The following DSCAM variants were observed in gnomAD, a reference collection of about 807,000 sequenced individuals.
The protein encoded by DSCAM is DS cell adhesion molecule, also known as cell adhesion molecule DSCAM.
A neutral mutation model predicts 217.7 loss-of-function variants in DSCAM; 47 were observed. That is an observed-to-expected ratio of 0.22 (90% CI 0.17 to 0.28). The LOEUF (loss-of-function observed/expected upper bound fraction) is 0.28. Among genes scored for constraint, DSCAM ranks in the 10% least tolerant of loss-of-function variants. The pLI, the probability that DSCAM is intolerant of heterozygous loss-of-function variation, is 1.00. For synonymous variants in DSCAM, 1,056 were observed against 1,015.3 expected, an observed-to-expected ratio of 1.04 and a Z score of -0.76; for missense variants, 2,080 against 2,618.3, an observed-to-expected ratio of 0.79 and a Z score of 4.49.
At chr21:40,157,474 C>G (rs2090491336) in intron 16 of DSCAM, among the ~76,000 whole-genome samples, 1 of 152,202 alleles carries the variant, frequency 6.6e-6, no homozygotes, top group African/African-American at 2.4e-5. Flanking sequence ...GGCCTGGGCT[C>G]TGCCCAGTGT....
intron 2 of DSCAM, among the ~76,000 whole-genome samples, chr21:40,693,419 A>T (rs2090561242): frequency 1.3e-5 from 2 of 152,142 alleles, no homozygotes; most frequent in African/African-American, 4.8e-5. Flanking sequence ...GTGAAGAAAA[A>T]AAAATACACT....
intron 1 of DSCAM, among the ~76,000 whole-genome samples, chr21:40,786,431 C>T (rs971185832): frequency 2.6e-5 from 4 of 152,130 alleles, no homozygotes; most frequent in African/African-American, 9.7e-5. Context: ...ATGAGGTCCA[C>T]GAACCAGCAG....
chr21:40,294,208 A>G (rs912685938), intron 10 of DSCAM, among the ~76,000 whole-genome samples: 1 of 152,234 alleles, frequency 6.6e-6, no homozygotes, highest in Non-Finnish European at 1.5e-5. Context: ...CAAGACAGAC[A>G]AAGTATTATT....
rs117094542 is a variant in DSCAM, at chr21:40,432,693, C to T, written c.509-63448G>A. On this transcript the variant is annotated intron_variant, in intron 3 of 32. Transcript: ENST00000400454. ...TTCATCAACGAAGCCAGAAGATGAG[C>T]TATGAATAGATATAGTAAAGGAAAA... Among the ~76,000 whole-genome samples the T allele has an allele frequency of 5.0e-4, 76 of 152,214 alleles. 1 individual carries two copies. The Middle Eastern group carries it at 0.014, about 27-fold the overall frequency.
chr21:40,782,007 A>AAAAG (rs2091550676), intron 1 of DSCAM, among the ~76,000 whole-genome samples: 2 of 149,784 alleles, frequency 1.3e-5, no homozygotes, highest in African/African-American at 4.9e-5. Context: ...AAAAAAAAAA[A>AAAAG]AAAGAAAAAA....
At chr21:40,584,537 G>A (rs1201983333) in intron 3 of DSCAM, among the ~76,000 whole-genome samples, 1 of 152,174 alleles carries the variant, frequency 6.6e-6, no homozygotes, top group Non-Finnish European at 1.5e-5. Context: ...GATGTGCGGA[G>A]AGCTGCAGTC....
chr21:40,462,130 G>A (rs776284574), intron 3 of DSCAM, among the ~76,000 whole-genome samples: 7 of 152,136 alleles, frequency 4.6e-5, no homozygotes, highest in Non-Finnish European at 7.3e-5. Flanking sequence ...TTTAACCCAC[G>A]TCTTTCCTCT....
At chr21:40,574,551 G>T (rs2076833610) in intron 3 of DSCAM, among the ~76,000 whole-genome samples, 2 of 152,060 alleles carry the variant, frequency 1.3e-5, no homozygotes, top group South Asian at 2.1e-4. Flanking sequence ...TTCCCCTTAG[G>T]GTTAGGAACA....
intron 3 of DSCAM, among the ~76,000 whole-genome samples, chr21:40,564,477 C>T (rs1406967454): frequency 6.6e-6 from 1 of 152,124 alleles, no homozygotes; most frequent in Non-Finnish European, 1.5e-5. Context: ...CTCCCACCAC[C>T]CTCCTCCTTC....
At chr21:40,768,094 G>A (rs571139233) in intron 1 of DSCAM, among the ~76,000 whole-genome samples, 34 of 152,298 alleles carry the variant, frequency 2.2e-4, no homozygotes, top group Admixed American at 7.2e-4. Flanking sequence ...TGTTAAAGTC[G>A]ATTTTAGGGA....
At chr21:40,200,556 C>T (rs760030587) in intron 11 of DSCAM, among the ~76,000 whole-genome samples, 6 of 152,158 alleles carry the variant, frequency 3.9e-5, no homozygotes, top group Admixed American at 2.0e-4. Flanking sequence ...CATCTGTCAA[C>T]GGACACTTGT....
At chr21:40,554,738 T>C (rs1007040427) in intron 3 of DSCAM, among the ~76,000 whole-genome samples, 5 of 152,338 alleles carry the variant, frequency 3.3e-5, no homozygotes, top group Middle Eastern at 6.8e-3. Context: ...ACAAACTATA[T>C]GTAAAATATA....
chr21:40,659,303 T>A (rs146441463), intron 3 of DSCAM, among the ~76,000 whole-genome samples: 5 of 152,332 alleles, frequency 3.3e-5, no homozygotes, highest in African/African-American at 1.2e-4. Context: ...AAATGCAGAA[T>A]CCCACACTTT....
At chr21:40,834,432 TAA>T (rs1291780871) in intron 1 of DSCAM, among the ~76,000 whole-genome samples, 1 of 57,924 alleles carries the variant, frequency 1.7e-5, no homozygotes, top group Non-Finnish European at 3.8e-5. Context: ...AATAAAATAA[TAA>T]TAATAATAAT....
intron 3 of DSCAM, among the ~76,000 whole-genome samples, chr21:40,511,757 C>T (rs1249618666): frequency 2.0e-5 from 3 of 151,480 alleles, no homozygotes; most frequent in Admixed American, 1.3e-4. Context: ...TTTGGGAGGC[C>T]GAGGCGGGTG....
At chr21:40,233,361 C>T (rs1003875460) in intron 11 of DSCAM, among the ~76,000 whole-genome samples, 4 of 152,076 alleles carry the variant, frequency 2.6e-5, no homozygotes, top group African/African-American at 9.7e-5. Context: ...CATCTGCAGG[C>T]TCCAAAAAAC....
intron 6 of DSCAM, among the ~76,000 whole-genome samples, chr21:40,344,873 C>T (rs1361157661): frequency 1.3e-5 from 2 of 152,126 alleles, no homozygotes; most frequent in Non-Finnish European, 2.9e-5. Flanking sequence ...TCCGTATCTC[C>T]TATTTTTCTG....
At chr21:40,412,159 T>C (rs1172041281) in intron 3 of DSCAM, among the ~76,000 whole-genome samples, 3 of 152,214 alleles carry the variant, frequency 2.0e-5, no homozygotes, top group Non-Finnish European at 2.9e-5. Flanking sequence ...GTAGGTCCAG[T>C]TAAACCTCTT....
intron 1 of DSCAM, among the ~76,000 whole-genome samples, chr21:40,822,951 A>T (rs1365783415): frequency 6.6e-6 from 1 of 152,080 alleles, no homozygotes; most frequent in Non-Finnish European, 1.5e-5. Flanking sequence ...AGAGTTGGAG[A>T]CCAGCTTGAC....
Sources: gnomAD v4.1 joint callset for allele counts (sites outside exome capture counted in the v4.1 genomes callset) on GRCh38, gnomAD v4.1.1 for gene constraint, MANE v1.5 for transcripts, NCBI Gene and HGNC (gene_info 2026-07-23, HGNC 2026-07-21) for gene names.